The following SCHIP1 variants were observed in gnomAD, a reference collection of about 807,000 sequenced individuals.
SCHIP1 encodes schwannomin interacting protein 1.
Under a neutral mutation model 29.7 loss-of-function variants are expected in SCHIP1, and 8 were observed. The ratio of observed to expected loss-of-function variants is 0.27; its 90% CI spans 0.16 to 0.49. The LOEUF is 0.49. Ranked by LOEUF, SCHIP1 falls within the 20% of genes least tolerant of loss-of-function variation. The pLI, the probability that SCHIP1 is intolerant of heterozygous loss-of-function variation, is 0.99. For synonymous variants in SCHIP1, 76 were observed against 94.9 expected, an observed-to-expected ratio of 0.80 and a Z score of 1.16; for missense variants, 193 against 294.6, an observed-to-expected ratio of 0.66 and a Z score of 2.52.
the SCHIP1 span, among the ~76,000 whole-genome samples, chr3:159,514,864 C>A: frequency 2.0e-5 from 3 of 152,118 alleles, no homozygotes; most frequent in Admixed American, 6.5e-5. Flanking sequence ...GATCTGCCCA[C>A]TCTTACCCCA....
At chr3:159,624,508 G>C in the SCHIP1 span, among the ~76,000 whole-genome samples, 1 of 152,160 alleles carries the variant, frequency 6.6e-6, no homozygotes, top group Admixed American at 6.6e-5. Flanking sequence ...GGTAATTAGG[G>C]AGAAACCATG....
the SCHIP1 span, among the ~76,000 whole-genome samples, chr3:159,709,605 A>G: frequency 6.6e-6 from 1 of 152,318 alleles, no homozygotes; most frequent in East Asian, 1.9e-4. Flanking sequence ...TAATCACTGA[A>G]CGAATTGATT....
intron 2 of SCHIP1, among the ~76,000 whole-genome samples, chr3:159,879,618 G>A (rs1273910539): frequency 1.3e-5 from 2 of 152,112 alleles, no homozygotes; most frequent in Non-Finnish European, 2.9e-5. Context: ...TTTATTCCTC[G>A]TATCAGAAGA....
chr3:159,531,120 TA>T, the SCHIP1 span, among the ~76,000 whole-genome samples: 1 of 152,236 alleles, frequency 6.6e-6, no homozygotes, highest in African/African-American at 2.4e-5. Flanking sequence ...GGAGGTTGGA[TA>T]TTTTTTAATT....
At chr3:159,773,772 C>T in the SCHIP1 span, among the ~76,000 whole-genome samples, 3 of 152,182 alleles carry the variant, frequency 2.0e-5, no homozygotes, top group Non-Finnish European at 4.4e-5. Context: ...GAACAGTGCT[C>T]TCCCTGGATG....
the SCHIP1 span, among the ~76,000 whole-genome samples, chr3:159,614,691 G>A: frequency 0.012 from 1,875 of 152,272 alleles, 38 homozygotes; most frequent in African/African-American, 0.042. Flanking sequence ...AGTTTAAACC[G>A]CTGTGTTTAA....
the SCHIP1 span, among the ~76,000 whole-genome samples, chr3:159,549,803 A>G: frequency 3.3e-5 from 5 of 152,112 alleles, no homozygotes; most frequent in African/African-American, 1.2e-4. Context: ...ACACTGCATC[A>G]TTCCTTTTCC....
the SCHIP1 span, among the ~76,000 whole-genome samples, chr3:159,773,445 T>C: frequency 1.3e-3 from 197 of 152,290 alleles, no homozygotes; most frequent in Non-Finnish European, 2.1e-3. Flanking sequence ...CAGCCTCAAG[T>C]CACCCGACTC....
the SCHIP1 span, among the ~76,000 whole-genome samples, chr3:159,424,593 C>T: frequency 2.6e-3 from 396 of 152,226 alleles, 15 homozygotes; most frequent in East Asian, 0.064. Context: ...ACGGGGAGAA[C>T]GGAACCAAGT....
the SCHIP1 span, chr3:159,764,829 C>T: frequency 8.2e-6 from 13 of 1,588,884 alleles, no homozygotes; most frequent in Non-Finnish European, 1.1e-5. This position sits in a 1 kb window ranked among gnomAD's most constrained non-coding sequence, Gnocchi z 6.1. Context: ...TGCCCAACGG[C>T]AACCTCCACC....
At chr3:159,408,632 A>C in the SCHIP1 span, among the ~76,000 whole-genome samples, 78 of 152,302 alleles carry the variant, frequency 5.1e-4, no homozygotes, top group Admixed American at 2.2e-3. Context: ...TAACAAGATC[A>C]AAGCCATAAT....
At chr3:159,554,666 G>A in the SCHIP1 span, among the ~76,000 whole-genome samples, 1 of 152,042 alleles carries the variant, frequency 6.6e-6, no homozygotes, top group Non-Finnish European at 1.5e-5. Context: ...TATGGTTCTA[G>A]CTTCTTCTGA....
the SCHIP1 span, among the ~76,000 whole-genome samples, chr3:159,396,729 C>G: frequency 3.3e-5 from 5 of 152,032 alleles, no homozygotes; most frequent in Non-Finnish European, 7.4e-5. Flanking sequence ...GGTAACCCGA[C>G]CTTTCTCTCT....
At chr3:159,664,909 C>G in the SCHIP1 span, among the ~76,000 whole-genome samples, 1 of 152,220 alleles carries the variant, frequency 6.6e-6, no homozygotes, top group African/African-American at 2.4e-5. Flanking sequence ...CCATGCAGAT[C>G]TACTGAATGA....
At chr3:159,529,058 T>C in the SCHIP1 span, among the ~76,000 whole-genome samples, 1 of 152,100 alleles carries the variant, frequency 6.6e-6, no homozygotes, top group Non-Finnish European at 1.5e-5. Context: ...TAATAAGTCT[T>C]AGATAATATA....
chr3:159,373,798 C>T, the SCHIP1 span, among the ~76,000 whole-genome samples: 1 of 152,118 alleles, frequency 6.6e-6, no homozygotes, highest in South Asian at 2.1e-4. Context: ...TACACACACA[C>T]ACCACATTTT....
chr3:159,337,213 A>G, the SCHIP1 span, among the ~76,000 whole-genome samples: 2 of 152,160 alleles, frequency 1.3e-5, no homozygotes, highest in East Asian at 3.9e-4. Flanking sequence ...AATAAGAGCT[A>G]TCTATGACAA....
chr3:159,866,123 T>C lies in SCHIP1; in HGVS notation c.31-40T>C, dbSNP rs140619901. ...AGACTGCCTGTGGTTGTGCTATATC[T>C]GCCCACTTATCAGCATTTTTTATTT... On this transcript the variant is annotated intron_variant, in intron 1 of 6. Coordinates refer to ENST00000445224, the Ensembl canonical transcript of SCHIP1. 2.7e-4 allele frequency: 427 copies of C among 1,590,388 alleles called. 2 individuals carry two copies. The African/African-American group carries it at 5.0e-3, about 19-fold the overall frequency.
At chr3:159,396,614 A>T in the SCHIP1 span, among the ~76,000 whole-genome samples, 1 of 151,970 alleles carries the variant, frequency 6.6e-6, no homozygotes, top group Non-Finnish European at 1.5e-5. Flanking sequence ...TTCTGGGTTG[A>T]AAATTCTTTT....
Sources: gnomAD v4.1 joint callset for allele counts (sites outside exome capture counted in the v4.1 genomes callset) on GRCh38, gnomAD v4.1.1 for gene constraint, Gnocchi (gnomAD v3.1) non-coding constraint, MANE v1.5 for transcripts, NCBI Gene and HGNC (gene_info 2026-07-23, HGNC 2026-07-21) for gene names.